Variants in ECPAS observed in about 807,000 individuals in gnomAD.
ECPAS encodes the protein proteasome adapter and scaffold protein ECM29.
A neutral mutation model predicts 255.1 loss-of-function variants in ECPAS; 70 were observed. The ratio of observed to expected loss-of-function variants is 0.27; its 90% confidence interval spans 0.23 to 0.33. The LOEUF (loss-of-function observed/expected upper bound fraction) is 0.33. ECPAS is among the 10% of genes least tolerant of loss of function. The pLI is 1.00. For missense variants in ECPAS, 1,817 were observed against 2,206.4 expected, an observed-to-expected ratio of 0.82 and a Z score of 3.54; for synonymous variants, 784 against 775.0, an observed-to-expected ratio of 1.01 and a Z score of -0.19.
intron 37 of ECPAS, 24 bp from the exon 38 acceptor site, chr9:111,375,226 AGGTAAGCCTTGGC>A: frequency 6.3e-7 from 1 of 1,593,756 alleles, no homozygotes; most frequent in Non-Finnish European, 8.6e-7. Flanking sequence ...ACAAATATAA[AGGTAAGCCTTGGC>A]AAATAAGTCA....
chr9:111,428,983 C>T (rs989269110), intron 9 of ECPAS, among the ~76,000 whole-genome samples: 3 of 152,290 alleles, frequency 2.0e-5, no homozygotes, highest in African/African-American at 4.8e-5. Context: ...TGTGTTCTAA[C>T]GGCATCAGAA....
intron 3 of ECPAS, among the ~76,000 whole-genome samples, chr9:111,449,059 TA>T (rs1476495028): frequency 1.4e-4 from 22 of 152,224 alleles, no homozygotes; most frequent in Middle Eastern, 3.2e-3. Flanking sequence ...ACAAGTTCAT[TA>T]ATCATTCCAA....
intron 48 of ECPAS, among the ~76,000 whole-genome samples, chr9:111,365,318 CATCAT>C (rs1361113782): frequency 6.6e-6 from 1 of 151,090 alleles, no homozygotes; most frequent in African/African-American, 2.4e-5. Context: ...TCATCATCAT[CATCAT>C]CACCTGGACT....
intron 12 of ECPAS, among the ~76,000 whole-genome samples, chr9:111,423,720 T>C (rs540961024): frequency 3.9e-5 from 6 of 152,348 alleles, no homozygotes; most frequent in African/African-American, 1.2e-4. Flanking sequence ...ATCTACACTG[T>C]AATGAACAGC....
At chr9:111,470,787 C>CACACACACAG (rs1440080089) in intron 2 of ECPAS, among the ~76,000 whole-genome samples, 1 of 150,104 alleles carries the variant, frequency 6.7e-6, no homozygotes, top group East Asian at 2.0e-4. Context: ...CACACACACA[C>CACACACACAG]AGAGGAAGGG....
chr9:111,362,853 G>GA (rs2098115478), intron 49 of ECPAS, among the ~76,000 whole-genome samples: 1 of 151,928 alleles, frequency 6.6e-6, no homozygotes, highest in Non-Finnish European at 1.5e-5. Context: ...TCTCAACAAG[G>GA]AAAAAAGGGA....
intron 10 of ECPAS, among the ~76,000 whole-genome samples, chr9:111,426,093 T>C: frequency 6.6e-6 from 1 of 152,224 alleles, no homozygotes; most frequent in Admixed American, 6.5e-5. Context: ...GAGTACACAC[T>C]GCAGTGGGTC....
intron 15 of ECPAS, among the ~76,000 whole-genome samples, chr9:111,420,705 T>C (rs2098212193): frequency 6.6e-6 from 1 of 152,196 alleles, no homozygotes; most frequent in Admixed American, 6.5e-5. Flanking sequence ...TAGAATCTAC[T>C]GATCCTGAAG....
At chr9:111,468,401 G>A (rs2098282052) in intron 2 of ECPAS, among the ~76,000 whole-genome samples, 1 of 152,078 alleles carries the variant, frequency 6.6e-6, no homozygotes, top group Non-Finnish European at 1.5e-5. Context: ...ATTATAACAT[G>A]GTTTAAGCGA....
intron 45 of ECPAS, among the ~76,000 whole-genome samples, chr9:111,370,058 T>A (rs147846269): frequency 6.6e-6 from 1 of 152,320 alleles, no homozygotes; most frequent in African/African-American, 2.4e-5. Flanking sequence ...TGGCTATAAG[T>A]CAAAGTGCCA....
intron 38 of ECPAS, 75 bp from the exon 39 acceptor site, chr9:111,374,113 C>T (rs2098130654): frequency 2.6e-6 from 3 of 1,154,638 alleles, no homozygotes; most frequent in African/African-American, 1.5e-5. Flanking sequence ...GGCTTAGGTG[C>T]CAAAAATTTA....
intron 1 of ECPAS, chr9:111,483,467 T>C: frequency 2.1e-6 from 2 of 970,346 alleles, no homozygotes; most frequent in Non-Finnish European, 2.4e-6. Context: ...CGGCGCCCGT[T>C]CCGGCTCGCG....
intron 45 of ECPAS, 138 bp from the exon 46 acceptor site, chr9:111,369,311 C>T: frequency 1.7e-6 from 1 of 573,656 alleles, no homozygotes; most frequent in Non-Finnish European, 2.7e-6. Context: ...CCATAAGTTT[C>T]CCTATTTACA....
At chr9:111,416,959 G>A (rs796719476) in intron 17 of ECPAS, among the ~76,000 whole-genome samples, 11 of 152,254 alleles carry the variant, frequency 7.2e-5, no homozygotes, top group African/African-American at 2.2e-4. Flanking sequence ...TTATGAACAC[G>A]GTGGGAAGAA....
chr9:111,451,033 A>C (rs573604835), intron 3 of ECPAS, among the ~76,000 whole-genome samples: 14 of 152,360 alleles, frequency 9.2e-5, no homozygotes, highest in Non-Finnish European at 2.1e-4. Flanking sequence ...TATTTTGCTT[A>C]AATTTTTTTT....
At chr9:111,409,358 G>C (rs1290351240) in intron 23 of ECPAS, among the ~76,000 whole-genome samples, 1 of 152,018 alleles carries the variant, frequency 6.6e-6, no homozygotes, top group Non-Finnish European at 1.5e-5. Flanking sequence ...TCAGGAGTTC[G>C]AGACCAGCCT....
chr9:111,408,038 C>CTCAG (rs2098187890), intron 24 of ECPAS, among the ~76,000 whole-genome samples: 1 of 152,208 alleles, frequency 6.6e-6, no homozygotes, highest in South Asian at 2.1e-4. Flanking sequence ...CTTTCAAAAG[C>CTCAG]TCAGTGCAAG....
intron 24 of ECPAS, among the ~76,000 whole-genome samples, chr9:111,397,413 T>C (rs1041041045): frequency 2.0e-5 from 3 of 152,218 alleles, no homozygotes; most frequent in Non-Finnish European, 4.4e-5. Context: ...CAGTGATTTA[T>C]GATCTCTGGA....
chr9:111,421,412 T>C (rs1474306884), intron 15 of ECPAS, among the ~76,000 whole-genome samples: 2 of 48,738 alleles, frequency 4.1e-5, no homozygotes, highest in Non-Finnish European at 1.0e-4. Context: ...TACATATATG[T>C]GTGTGTGTGT....
Sources: allele counts gnomAD v4.1 joint callset (sites outside exome capture counted in the v4.1 genomes callset), GRCh38; gene constraint gnomAD v4.1.1; transcripts MANE v1.5; gene names NCBI Gene and HGNC (gene_info 2026-07-23, HGNC 2026-07-21).